NXPE2: variants seen among roughly 807,000 people sequenced by gnomAD.
NXPE2 encodes neurexophilin and PC-esterase domain family member 2.
A neutral mutation model predicts 34.4 loss-of-function variants in NXPE2; 34 were observed. That is an observed-to-expected ratio of 0.99 (90% CI 0.75 to 1.31). The LOEUF (loss-of-function observed/expected upper bound fraction) is 1.31. NXPE2 is among the 40% of genes most tolerant of loss of function. The pLI is 0.00. For synonymous variants in NXPE2, 235 were observed against 231.3 expected, an observed-to-expected ratio of 1.02 and a Z score of -0.15; for missense variants, 649 against 672.5, an observed-to-expected ratio of 0.97 and a Z score of 0.39.
the NXPE2 span, among the ~76,000 whole-genome samples, chr11:114,805,578 G>A: frequency 9.0e-3 from 1,377 of 152,340 alleles, 12 homozygotes; most frequent in Non-Finnish European, 0.016. Flanking sequence ...CGCCCACGGC[G>A]TCTCGCTCAG....
the NXPE2 span, among the ~76,000 whole-genome samples, chr11:114,646,221 T>C: frequency 3.3e-5 from 5 of 152,170 alleles, no homozygotes; most frequent in African/African-American, 9.6e-5. Flanking sequence ...ATCACTGCTA[T>C]GGAATTTCAG....
At chr11:114,635,682 T>G in the NXPE2 span, among the ~76,000 whole-genome samples, 1 of 151,952 alleles carries the variant, frequency 6.6e-6, no homozygotes, top group East Asian at 1.9e-4. Context: ...GAAGTATTGT[T>G]GAATTTTGTC....
downstream of NXPE2, among the ~76,000 whole-genome samples, chr11:114,710,620 A>G (rs1195126573): frequency 6.6e-6 from 1 of 152,140 alleles, no homozygotes; most frequent in Non-Finnish European, 1.5e-5. Context: ...AGTAATAACG[A>G]CAACAATAAA....
the NXPE2 span, among the ~76,000 whole-genome samples, chr11:114,489,924 G>C: frequency 6.6e-6 from 1 of 152,150 alleles, no homozygotes; most frequent in Non-Finnish European, 1.5e-5. Context: ...CATTGTCCCT[G>C]TTTGCAGATG....
At chr11:114,595,440 C>T in the NXPE2 span, among the ~76,000 whole-genome samples, 13 of 152,194 alleles carry the variant, frequency 8.5e-5, no homozygotes, top group African/African-American at 3.1e-4. Context: ...TGCTGCCTTT[C>T]TAAAACTTTC....
chr11:114,539,985 T>A, the NXPE2 span, among the ~76,000 whole-genome samples: 1 of 152,178 alleles, frequency 6.6e-6, no homozygotes, highest in Admixed American at 6.6e-5. Context: ...TAACTAAAAG[T>A]TCAATATAAA....
the NXPE2 span, chr11:114,571,075 T>C: frequency 6.2e-7 from 1 of 1,614,036 alleles, no homozygotes; most frequent in Non-Finnish European, 8.5e-7. Context: ...AAAATGTCCT[T>C]TATGATGAGA....
At chr11:114,697,160 A>G (rs765818702) in intron 2 of NXPE2, among the ~76,000 whole-genome samples, 36 of 152,186 alleles carry the variant, frequency 2.4e-4, no homozygotes, top group Non-Finnish European at 3.7e-4. Context: ...TATTTAGAAA[A>G]ACACTCTTTG....
the NXPE2 span, among the ~76,000 whole-genome samples, chr11:114,749,936 G>C: frequency 1.2e-3 from 184 of 152,152 alleles, no homozygotes; most frequent in African/African-American, 4.1e-3. Context: ...CCCATGCCTG[G>C]CCACCCTCCA....
At chr11:114,692,213 T>C (rs527964633) in intron 2 of NXPE2, among the ~76,000 whole-genome samples, 7 of 152,230 alleles carry the variant, frequency 4.6e-5, no homozygotes, top group African/African-American at 1.4e-4. Flanking sequence ...ATGGTGTCAT[T>C]TGTGGGTTTG....
chr11:114,686,561 T>C (rs1951052004), intron 2 of NXPE2, among the ~76,000 whole-genome samples: 2 of 152,162 alleles, frequency 1.3e-5, no homozygotes, highest in African/African-American at 2.4e-5. Flanking sequence ...CTATTGTGAA[T>C]AGCACTACAA....
the NXPE2 span, among the ~76,000 whole-genome samples, chr11:114,588,743 T>G: frequency 6.6e-6 from 1 of 152,134 alleles, no homozygotes; most frequent in Non-Finnish European, 1.5e-5. Context: ...CTGTCCATGG[T>G]AGACCAAAAT....
the NXPE2 span, among the ~76,000 whole-genome samples, chr11:114,491,414 A>G: frequency 6.6e-6 from 1 of 152,156 alleles, no homozygotes; most frequent in Non-Finnish European, 1.5e-5. Context: ...AAAAATGCTC[A>G]TCATCACTGG....
At chr11:114,623,511 A>ACACT in the NXPE2 span, among the ~76,000 whole-genome samples, 1 of 152,092 alleles carries the variant, frequency 6.6e-6, no homozygotes, top group Non-Finnish European at 1.5e-5. Context: ...GTGGATAATA[A>ACACT]GTATTCCCTC....
the NXPE2 span, among the ~76,000 whole-genome samples, chr11:114,624,234 C>T: frequency 1.3e-5 from 2 of 151,888 alleles, no homozygotes; most frequent in African/African-American, 4.8e-5. Flanking sequence ...GATGTTTCCT[C>T]TAGGGTAATC....
At chr11:114,626,376 C>G in the NXPE2 span, among the ~76,000 whole-genome samples, 3 of 152,214 alleles carry the variant, frequency 2.0e-5, no homozygotes, top group East Asian at 5.8e-4. Flanking sequence ...CCCCTGACCC[C>G]CGAGCAGCCT....
the NXPE2 span, among the ~76,000 whole-genome samples, chr11:114,670,269 G>C: frequency 4.8e-3 from 729 of 152,160 alleles, 5 homozygotes; most frequent in African/African-American, 0.016. Flanking sequence ...TGGTCAAAGA[G>C]AGCCTTGATA....
the NXPE2 span, among the ~76,000 whole-genome samples, chr11:114,809,756 C>T: frequency 8.9e-6 from 1 of 112,332 alleles, no homozygotes; most frequent in African/African-American, 3.3e-5. Flanking sequence ...ATGAAAATGG[C>T]CATACTGCCC....
At chr11:114,573,858 G>A in the NXPE2 span, among the ~76,000 whole-genome samples, 69 of 151,828 alleles carry the variant, frequency 4.5e-4, no homozygotes, top group Non-Finnish European at 7.5e-4. Flanking sequence ...TAAAACAAAT[G>A]AACTTAACAG....
Sources: gnomAD v4.1 joint callset for allele counts (sites outside exome capture counted in the v4.1 genomes callset) on GRCh38, gnomAD v4.1.1 for gene constraint, MANE v1.5 for transcripts, NCBI Gene and HGNC (gene_info 2026-07-23, HGNC 2026-07-21) for gene names.